Variants in CNTNAP4 observed in about 807,000 individuals in gnomAD.
CNTNAP4 encodes the protein contactin-associated protein-like 4.
In CNTNAP4, 98 loss-of-function variants were observed where a neutral mutation model predicts 148.4. The observed-to-expected ratio is 0.66, with a 90% CI of 0.56 to 0.78. The LOEUF (loss-of-function observed/expected upper bound fraction) is 0.78, where lower values mean the gene tolerates loss of function less well. CNTNAP4 is among the 30% of genes least tolerant of loss of function. The pLI, the probability that CNTNAP4 is intolerant of heterozygous loss-of-function variation, is 0.00. For synonymous variants in CNTNAP4, 730 were observed against 565.1 expected (o/e 1.29, Z -4.14); for missense variants, 1,935 against 1,565.6 (o/e 1.24, Z -3.98).
In CNTNAP4 at chr16:76,467,371, T is replaced by C. The variant is rs1340579630; in HGVS notation, c.1503T>C (p.Phe501=). ...TATCAGGTTGTCCTGACAAAAGCTT[T>C]GGATCCAAATGTAAAAGTCCACTTG... ...YYFGGCPDKS[F]GSKCKSPLGG... is the part of the protein sequence containing the mutation. The change falls in exon 10 of 24, where the codon TTT becomes TTC. Residue 501 remains phenylalanine, a synonymous_variant. Transcript: ENST00000611870. 10 of 1,613,936 alleles carry C rather than the reference T, an allele frequency of 6.2e-6. No individual in the cohort carries two copies. Among genetic ancestry groups the C allele is most frequent in the Non-Finnish European group, 3.4e-6 (4 of 1,179,830 alleles).
At chr16:76,297,323 T>C (rs1321061667) in intron 1 of CNTNAP4, among the ~76,000 whole-genome samples, 2 of 152,206 alleles carry the variant, frequency 1.3e-5, no homozygotes, top group Non-Finnish European at 2.9e-5. Flanking sequence ...CCTAGCAATA[T>C]AAATTCCCCA....
chr16:76,305,779 A>C (rs1369237281), intron 1 of CNTNAP4, among the ~76,000 whole-genome samples: 1 of 152,158 alleles, frequency 6.6e-6, no homozygotes, highest in African/African-American at 2.4e-5. Context: ...CTAGCACCCA[A>C]CAGGTAGTTT....
At chr16:76,435,920 C>A (rs2079807167) in intron 4 of CNTNAP4, among the ~76,000 whole-genome samples, 1 of 152,146 alleles carries the variant, frequency 6.6e-6, no homozygotes, top group Admixed American at 6.5e-5. Context: ...TTATCCCACA[C>A]CCTTAATATC....
chr16:76,391,701 G>A (rs1431031155), intron 3 of CNTNAP4, among the ~76,000 whole-genome samples: 2 of 152,188 alleles, frequency 1.3e-5, no homozygotes, highest in African/African-American at 4.8e-5. Flanking sequence ...TCCATGTGAT[G>A]TTTGATGTTC....
At chr16:76,443,278 G>A (rs1467725621) in intron 4 of CNTNAP4, among the ~76,000 whole-genome samples, 2 of 152,028 alleles carry the variant, frequency 1.3e-5, no homozygotes, top group African/African-American at 4.8e-5. Context: ...GCCTTTTACT[G>A]TTACAAATTT....
At chr16:76,333,462 A>G (rs1010051019) in intron 2 of CNTNAP4, among the ~76,000 whole-genome samples, 7 of 152,140 alleles carry the variant, frequency 4.6e-5, no homozygotes, top group Admixed American at 6.5e-5. Context: ...CTCTTTATTG[A>G]TGACCTCTAT....
chr16:76,553,303 G>C lies in CNTNAP4; in HGVS notation c.3463G>C (p.Asp1155His). 6.2e-7 allele frequency: 1 copy of C among 1,608,200 alleles called. No homozygotes were observed. The highest frequency in any genetic ancestry group is 8.5e-7 in the Non-Finnish European group (1 of 1,175,156). The stretch of plus-strand genomic sequence containing the variant: ...TCTAGAACACAGTGATGTGGACCAG[G>C]ATACTGCACTGGCAGGTGCGCAGGG... Reference protein sequence around the residue: ...RILEHSDVDQDTALAGAQGFT... With the variant: ...RILEHSDVDQHTALAGAQGFT... The change falls in exon 22 of 24, where the codon GAT becomes CAT. Residue 1155 changes from aspartate (D) to histidine (H), a missense_variant. Coordinates refer to ENST00000611870, the MANE Select transcript of CNTNAP4 (RefSeq NM_033401.5).
intron 19 of CNTNAP4, 82 bp from the exon 20 acceptor site, chr16:76,539,637 C>CA (rs997572922): frequency 8.5e-6 from 10 of 1,179,684 alleles, no homozygotes; most frequent in Admixed American, 2.8e-5. Context: ...TAAATAGCAA[C>CA]AAAAAATCAC....
chr16:76,370,214 T>G (rs920740441), intron 3 of CNTNAP4, among the ~76,000 whole-genome samples: 1 of 152,028 alleles, frequency 6.6e-6, no homozygotes, highest in Admixed American at 6.5e-5. Context: ...AATATTTTAG[T>G]AGTTTAAATC....
intron 1 of CNTNAP4, among the ~76,000 whole-genome samples, chr16:76,283,408 C>G (rs1958764148): frequency 6.6e-6 from 1 of 151,930 alleles, no homozygotes; most frequent in South Asian, 2.1e-4. Context: ...TGGAATCAAC[C>G]TAAGTGCCCA....
At chr16:76,516,701 A>T (rs532344624) in intron 15 of CNTNAP4, among the ~76,000 whole-genome samples, 1 of 152,372 alleles carries the variant, frequency 6.6e-6, no homozygotes, top group East Asian at 1.9e-4. Flanking sequence ...TATCCATACC[A>T]TGGAATACTA....
intron 17 of CNTNAP4, among the ~76,000 whole-genome samples, chr16:76,522,716 CT>C (rs1568497750): frequency 2.0e-4 from 6 of 29,696 alleles, no homozygotes; most frequent in African/African-American, 8.4e-4. Flanking sequence ...CTTTTCTTTT[CT>C]TTTCTTTTCT....
chr16:76,379,561 C>A (rs1338268774), intron 3 of CNTNAP4, among the ~76,000 whole-genome samples: 1 of 152,078 alleles, frequency 6.6e-6, no homozygotes, highest in Non-Finnish European at 1.5e-5. Flanking sequence ...CTACTTTGTA[C>A]ATTGCAGCCG....
chr16:76,451,835 A>G (rs2080494172), intron 7 of CNTNAP4, among the ~76,000 whole-genome samples: 1 of 152,200 alleles, frequency 6.6e-6, no homozygotes, highest in Non-Finnish European at 1.5e-5. Context: ...GGGCGACTAT[A>G]GTTAATAAGG....
intron 3 of CNTNAP4, among the ~76,000 whole-genome samples, chr16:76,411,035 C>G (rs756077088): frequency 4.6e-5 from 7 of 151,312 alleles, no homozygotes; most frequent in Non-Finnish European, 8.9e-5. Context: ...CATTAATGTA[C>G]ATCCATACAT....
intron 1 of CNTNAP4, among the ~76,000 whole-genome samples, chr16:76,295,559 T>TA (rs1450258702): frequency 6.6e-6 from 1 of 151,914 alleles, no homozygotes; most frequent in Non-Finnish European, 1.5e-5. Flanking sequence ...CTAACTCCTG[T>TA]AAAAAGTAAT....
At chr16:76,348,166 A>C (rs969938713) in intron 2 of CNTNAP4, among the ~76,000 whole-genome samples, 1 of 152,016 alleles carries the variant, frequency 6.6e-6, no homozygotes. Context: ...GTATGAGAGA[A>C]AGAAAGGGGT....
intron 3 of CNTNAP4, among the ~76,000 whole-genome samples, chr16:76,426,548 C>A (rs548783430): frequency 6.6e-6 from 1 of 152,166 alleles, no homozygotes; most frequent in Non-Finnish European, 1.5e-5. Flanking sequence ...CACCTGTAGT[C>A]TTAACAGTGT....
chr16:76,495,930 G>C (rs2082385296), intron 14 of CNTNAP4, among the ~76,000 whole-genome samples: 1 of 151,864 alleles, frequency 6.6e-6, no homozygotes, highest in Admixed American at 6.6e-5. Context: ...CATTTAGTTA[G>C]GAAACATCAA....
Sources: gnomAD v4.1 joint callset for allele counts (sites outside exome capture counted in the v4.1 genomes callset) on GRCh38, gnomAD v4.1.1 for gene constraint, MANE v1.5 for transcripts, NCBI Gene and HGNC (gene_info 2026-07-23, HGNC 2026-07-21) for gene names.